Variants in JPT2 observed in about 807,000 individuals in gnomAD.
JPT2 encodes Jupiter microtubule associated homolog 2.
A neutral mutation model predicts 15.9 loss-of-function variants in JPT2; 9 were observed. That is an observed-to-expected ratio of 0.57 (90% CI 0.34 to 0.99). The LOEUF is 0.99. JPT2 is among the 50% of genes least tolerant of loss of function. The probability of loss-of-function intolerance (pLI) is 0.02; values close to 1 mark genes in which losing one functional copy is unlikely to be tolerated. For synonymous variants in JPT2, 95 were observed against 91.7 expected (o/e 1.04, Z -0.21); for missense variants, 267 against 252.1 (o/e 1.06, Z -0.40).
intron 1 of JPT2, among the ~76,000 whole-genome samples, chr16:1,682,849 G>A (rs192052336): frequency 1.8e-4 from 27 of 151,650 alleles, no homozygotes; most frequent in Admixed American, 1.6e-3. Flanking sequence ...TCACTCTTTC[G>A]TCCAGGCTGG....
intron 2 of JPT2, 56 bp downstream of exon 2, chr16:1,685,643 T>G: frequency 1.3e-6 from 2 of 1,555,110 alleles, no homozygotes; most frequent in Non-Finnish European, 1.7e-6. Flanking sequence ...CTTTTGAAAA[T>G]ATTTTCTGTT....
intron 1 of JPT2, 34 bp from the exon 2 acceptor site, chr16:1,685,405 C>A: frequency 6.2e-7 from 1 of 1,609,122 alleles, no homozygotes; most frequent in Non-Finnish European, 8.5e-7. Flanking sequence ...TTCAGGTCTG[C>A]CATCAGTAAT....
intron 2 of JPT2, chr16:1,689,785 G>C (rs1185658395): frequency 6.6e-6 from 1 of 152,150 alleles, no homozygotes; most frequent in Non-Finnish European, 1.5e-5. Flanking sequence ...TATGAAGGAA[G>C]GTTGACATAA....
At chr16:1,686,939 T>C in intron 2 of JPT2, among the ~76,000 whole-genome samples, 1 of 152,078 alleles carries the variant, frequency 6.6e-6, no homozygotes, top group Non-Finnish European at 1.5e-5. Flanking sequence ...ATTGACCAAA[T>C]GTAGAGGAAA....
chr16:1,698,884 G>A lies in JPT2; in HGVS notation c.459G>A (p.Glu153=). 6.2e-7 allele frequency: 1 copy of A among 1,614,256 alleles called. No homozygotes were observed. The highest frequency in any genetic ancestry group is 8.5e-7 in the Non-Finnish European group (1 of 1,180,044). The part of the protein sequence containing the change: ...GSARKAGPAK[E]QEPMPTVDSH... Reference sequence around the variant, plus strand: ...CCAGAAAAGCAGGCCCCGCCAAGGAGCAGGAGCCCATGCCCACAGTCGACA... The same window carrying A: ...CCAGAAAAGCAGGCCCCGCCAAGGAACAGGAGCCCATGCCCACAGTCGACA... The change falls in exon 5 of 5, where the codon GAG becomes GAA. Residue 153 remains glutamate (E), a synonymous_variant. Transcript: ENST00000248098. This position sits in a 1 kb window ranked among gnomAD's most constrained non-coding sequence, Gnocchi z 4.9.
At position 1,699,246 on chromosome 16, in the gene JPT2, A is replaced by T; in HGVS notation, c.*248A>T. 2.6e-5 allele frequency: 15 copies of T among 570,006 alleles called. No homozygotes were observed. The highest frequency in any genetic ancestry group is 7.8e-5 in the East Asian group (2 of 25,586). The allele number at this position is 570,006 out of a possible 1,614,324, so 35.3% of individuals were successfully genotyped here. A position where few individuals can be genotyped will look rare whatever the true frequency, so the allele number is the denominator to read the frequency against. ...ATCACTCATGTGTAGTCCAGGTTTGAGAGGAACTGGAAGGGGGGTGAGGGT... is the reference window on the plus strand; with the variant it reads ...ATCACTCATGTGTAGTCCAGGTTTGTGAGGAACTGGAAGGGGGGTGAGGGT... On this transcript the variant is annotated 3_prime_UTR_variant, in exon 5 of 5. Coordinates refer to ENST00000248098, the MANE Select transcript of JPT2 (RefSeq NM_144570.3).
downstream of JPT2, chr16:1,702,259 G>C: frequency 1.8e-5 from 8 of 436,522 alleles, no homozygotes; most frequent in South Asian, 1.3e-4. Context: ...GCTTGAGAAA[G>C]AAAACCAACA....
intron 2 of JPT2, chr16:1,690,590 ACT>A (rs1294400770): frequency 6.6e-6 from 1 of 152,114 alleles, no homozygotes; most frequent in Non-Finnish European, 1.5e-5. Context: ...AAAGATCAAA[ACT>A]CTGTAAACAA....
rs1438920500 is a variant in JPT2, at chr16:1,700,220, A to C, written c.*1222A>C. 1 of 454,950 alleles carries C rather than the reference A, an allele frequency of 2.2e-6. No individual in the cohort carries two copies. The allele number at this position is 454,950 out of a possible 1,614,324, so 28.2% of individuals were successfully genotyped here. On this transcript the variant is annotated 3_prime_UTR_variant, in exon 5 of 5. Coordinates refer to ENST00000248098, the MANE Select transcript of JPT2 (RefSeq NM_144570.3). ...CTTAGGCCAGGAGATGAAGGAGTTC[A>C]GTAGCAAAGTCACACCTGTCCAATT...
chr16:1,693,087 G>A (rs747437592), intron 3 of JPT2, among the ~76,000 whole-genome samples: 1 of 152,192 alleles, frequency 6.6e-6, no homozygotes, highest in African/African-American at 2.4e-5. Flanking sequence ...AGGTTTGGTC[G>A]TGTTTTTTCG....
intron 1 of JPT2, chr16:1,683,707 CA>C: frequency 2.8e-6 from 2 of 711,958 alleles, no homozygotes; most frequent in Non-Finnish European, 4.7e-6. Context: ...CTGAGAACTC[CA>C]TTCACATCCA....
At position 1,699,510 on chromosome 16, in the gene JPT2, T is replaced by C. The variant is rs72761157; in HGVS notation, c.*512T>C. 1,179 of 318,558 alleles carry C rather than the reference T, an allele frequency of 3.7e-3. 5 individuals carry two copies. Among genetic ancestry groups the C allele is most frequent in the Non-Finnish European group, 6.0e-3 (960 of 159,188 alleles). The allele number at this position is 318,558 out of a possible 1,614,324, so 19.7% of individuals were successfully genotyped here. A position where few individuals can be genotyped will look rare whatever the true frequency, so the allele number is the denominator to read the frequency against. On this transcript the variant is annotated 3_prime_UTR_variant, in exon 5 of 5. Coordinates refer to ENST00000248098, the MANE Select transcript of JPT2 (RefSeq NM_144570.3). ...ACCCCCAGCATATTGTTCTGTAGTC[T>C]TTTCTTGAAACATCTTGATTGCTTT...
chr16:1,683,466 A>C, intron 1 of JPT2: 5 of 1,260,398 alleles, frequency 4.0e-6, no homozygotes, highest in Middle Eastern at 1.8e-4. Context: ...AATTTTTCTT[A>C]AGTGCACCTG....
At chr16:1,685,406 C>T (rs376078833) in intron 1 of JPT2, 33 bp from the exon 2 acceptor site, 4 of 1,609,108 alleles carry the variant, frequency 2.5e-6, no homozygotes, top group Non-Finnish European at 3.4e-6. Context: ...TCAGGTCTGC[C>T]ATCAGTAATT....
intron 3 of JPT2, among the ~76,000 whole-genome samples, chr16:1,697,045 A>G (rs1371176303): frequency 6.6e-6 from 1 of 152,080 alleles, no homozygotes; most frequent in East Asian, 2.0e-4. Context: ...AAGGGCGGGA[A>G]TGACTCATTT....
intron 3 of JPT2, among the ~76,000 whole-genome samples, chr16:1,696,231 A>C (rs1294965398): frequency 7.5e-6 from 1 of 134,208 alleles, no homozygotes; most frequent in African/African-American, 3.4e-5. Context: ...TCTGTCTCAA[A>C]AAAACAAAAA....
intron 1 of JPT2, among the ~76,000 whole-genome samples, chr16:1,684,555 A>G (rs2037049938): frequency 6.6e-6 from 1 of 152,152 alleles, no homozygotes; most frequent in African/African-American, 2.4e-5. Flanking sequence ...AACCTGACCA[A>G]CATGGCGAAA....
intron 1 of JPT2, among the ~76,000 whole-genome samples, chr16:1,679,482 G>C (rs1427607081): frequency 6.6e-6 from 1 of 152,044 alleles, no homozygotes; most frequent in Non-Finnish European, 1.5e-5. Flanking sequence ...AGTCACGTGA[G>C]GTCAAGAGTT....
intron 2 of JPT2, 40 bp downstream of exon 2, chr16:1,685,627 G>C (rs116059235): frequency 1.8e-5 from 29 of 1,580,404 alleles, no homozygotes; most frequent in Non-Finnish European, 2.5e-5. Flanking sequence ...TGGCCTCCAC[G>C]ATTCTCTTTT....
Sources: gnomAD v4.1 joint callset for allele counts (sites outside exome capture counted in the v4.1 genomes callset) on GRCh38, gnomAD v4.1.1 for gene constraint, Gnocchi (gnomAD v3.1) non-coding constraint, MANE v1.5 for transcripts, NCBI Gene and HGNC (gene_info 2026-07-23, HGNC 2026-07-21) for gene names.